The following NKAIN2 variants were observed in gnomAD, a reference collection of about 807,000 sequenced individuals.
NKAIN2 encodes sodium/potassium-transporting ATPase subunit beta-1-interacting protein 2.
In NKAIN2, 14 loss-of-function variants were observed where a neutral mutation model predicts 32.6. The ratio of observed to expected loss-of-function variants is 0.43; its 90% CI spans 0.28 to 0.67. The LOEUF is 0.67. Among genes scored for constraint, NKAIN2 ranks in the 30% least tolerant of loss-of-function variants. NKAIN2 has a pLI of 0.17. For missense variants in NKAIN2, 198 were observed against 258.3 expected (o/e 0.77, Z 1.60); for synonymous variants, 80 against 87.2 (o/e 0.92, Z 0.46).
chr6:123,854,226 G>C (rs1775470549), intron 1 of NKAIN2, among the ~76,000 whole-genome samples: 1 of 152,078 alleles, frequency 6.6e-6, no homozygotes. Flanking sequence ...TTTTCATGCT[G>C]TACAAAATCC....
At chr6:124,719,822 A>G (rs1775931298) in intron 4 of NKAIN2, among the ~76,000 whole-genome samples, 1 of 152,034 alleles carries the variant, frequency 6.6e-6, no homozygotes, top group South Asian at 2.1e-4. Context: ...CTTTTCTCCT[A>G]TGGTTCATTC....
intron 4 of NKAIN2, among the ~76,000 whole-genome samples, chr6:124,755,300 T>C (rs1231066659): frequency 1.3e-5 from 2 of 152,144 alleles, no homozygotes; most frequent in East Asian, 1.9e-4. Context: ...TCCCACCTTC[T>C]TCCACCAGCT....
intron 1 of NKAIN2, among the ~76,000 whole-genome samples, chr6:123,992,424 A>G (rs1779448846): frequency 6.6e-6 from 1 of 152,084 alleles, no homozygotes. Context: ...GAATTTTGAA[A>G]AACAAACAAA....
chr6:124,416,856 G>A (rs561563338), intron 3 of NKAIN2, among the ~76,000 whole-genome samples: 3 of 152,092 alleles, frequency 2.0e-5, no homozygotes, highest in South Asian at 2.1e-4. Context: ...TCATCCATCA[G>A]TTATAAGGAA....
chr6:124,802,973 C>T (rs1025921478), intron 5 of NKAIN2, among the ~76,000 whole-genome samples: 4 of 152,148 alleles, frequency 2.6e-5, no homozygotes, highest in Non-Finnish European at 2.9e-5. Flanking sequence ...CTGTGCCTGA[C>T]GATGCCCAGA....
At chr6:124,230,635 C>A (rs1337120298) in intron 1 of NKAIN2, among the ~76,000 whole-genome samples, 1 of 152,172 alleles carries the variant, frequency 6.6e-6, no homozygotes, top group Admixed American at 6.5e-5. Flanking sequence ...CGACTCCAGT[C>A]ATGACTACAA....
intron 3 of NKAIN2, among the ~76,000 whole-genome samples, chr6:124,554,943 A>C (rs773181603): frequency 1.3e-5 from 2 of 152,080 alleles, no homozygotes; most frequent in Non-Finnish European, 2.9e-5. Flanking sequence ...CCCTCCAGCT[A>C]ATATAACCCA....
intron 4 of NKAIN2, among the ~76,000 whole-genome samples, chr6:124,704,441 G>T (rs1774948647): frequency 6.6e-6 from 1 of 151,932 alleles, no homozygotes; most frequent in African/African-American, 2.4e-5. Context: ...TTATACCCAA[G>T]ACAGACCAAG....
intron 1 of NKAIN2, among the ~76,000 whole-genome samples, chr6:124,080,570 C>T (rs1250603074): frequency 6.6e-6 from 1 of 151,800 alleles, no homozygotes; most frequent in East Asian, 1.9e-4. Context: ...GTAATAATCC[C>T]TTGAGTTTAT....
intron 1 of NKAIN2, among the ~76,000 whole-genome samples, chr6:124,213,340 T>C (rs1265128688): frequency 6.6e-6 from 1 of 152,170 alleles, no homozygotes; most frequent in Non-Finnish European, 1.5e-5. Flanking sequence ...ATAAATGAGC[T>C]GTGTTAAAAT....
intron 1 of NKAIN2, among the ~76,000 whole-genome samples, chr6:124,053,344 G>C (rs1410647229): frequency 6.6e-6 from 1 of 151,996 alleles, no homozygotes; most frequent in South Asian, 2.1e-4. Flanking sequence ...GAGGTGAGGT[G>C]GAAAACGGTT....
intron 3 of NKAIN2, among the ~76,000 whole-genome samples, chr6:124,588,562 C>T (rs776316524): frequency 6.6e-6 from 1 of 152,056 alleles, no homozygotes; most frequent in Non-Finnish European, 1.5e-5. Context: ...TAGGAGAGGT[C>T]AGTTCAATAA....
At chr6:123,884,041 A>G (rs1221064343) in intron 1 of NKAIN2, among the ~76,000 whole-genome samples, 1 of 151,814 alleles carries the variant, frequency 6.6e-6, no homozygotes, top group East Asian at 1.9e-4. Context: ...TTTGTTGTAC[A>G]TATTATTTCA....
intron 5 of NKAIN2, among the ~76,000 whole-genome samples, chr6:124,806,866 C>A (rs1422309066): frequency 7.2e-5 from 11 of 151,888 alleles, no homozygotes; most frequent in Admixed American, 4.6e-4. Flanking sequence ...AGACTTTAAG[C>A]CAACAAAGAT....
rs185340298 is a variant in NKAIN2 at position 124,607,927 on chromosome 6, A to G, written c.274-50259A>G. Among the ~76,000 whole-genome samples, 300 of 152,244 alleles carry G rather than the reference A, an allele frequency of 2.0e-3. 2 individuals are homozygous for G. Among genetic ancestry groups the G allele is most frequent in the Admixed American group, 0.018 (281 of 15,272 alleles). ...AGATGATTTTGCCCAACTGTAGGTG[A>G]ATGTAAGTGTTCTGAGCATGTTTAA... is the stretch of plus-strand genomic sequence containing the variant. On this transcript the variant is annotated intron_variant, in intron 3 of 6. Coordinates refer to ENST00000368417, the MANE Select transcript of NKAIN2 (RefSeq NM_001040214.3).
intron 3 of NKAIN2, among the ~76,000 whole-genome samples, chr6:124,410,092 T>C (rs949722227): frequency 6.6e-6 from 1 of 152,170 alleles, no homozygotes; most frequent in African/African-American, 2.4e-5. Flanking sequence ...CTTTTCTTCT[T>C]TATTAGTCTT....
chr6:124,705,272 G>C (rs1216786758), intron 4 of NKAIN2, among the ~76,000 whole-genome samples: 1 of 152,054 alleles, frequency 6.6e-6, no homozygotes. Flanking sequence ...AGCAGTGCAA[G>C]CTGAGGCCTG....
At chr6:124,341,660 C>T (rs1015679372) in intron 2 of NKAIN2, among the ~76,000 whole-genome samples, 4 of 152,128 alleles carry the variant, frequency 2.6e-5, no homozygotes, top group African/African-American at 4.8e-5. Context: ...ATCTGACTTC[C>T]TCTATGATCT....
chr6:124,712,809 C>T (rs1338646689), intron 4 of NKAIN2, among the ~76,000 whole-genome samples: 13 of 151,952 alleles, frequency 8.6e-5, no homozygotes, highest in East Asian at 1.9e-4. Flanking sequence ...TGTTCCTATT[C>T]GGCCATCTTG....
Sources: allele counts gnomAD v4.1 joint callset (sites outside exome capture counted in the v4.1 genomes callset), GRCh38; gene constraint gnomAD v4.1.1; transcripts MANE v1.5; gene names NCBI Gene and HGNC (gene_info 2026-07-23, HGNC 2026-07-21).